The following KDM3B variants were observed in gnomAD, a reference collection of about 807,000 sequenced individuals.
KDM3B encodes the protein lysine-specific demethylase 3B.
A neutral mutation model predicts 170.0 loss-of-function variants in KDM3B; 10 were observed. The ratio of observed to expected loss-of-function variants is 0.06; its 90% CI spans 0.04 to 0.10. KDM3B has a LOEUF of 0.10. Among genes scored for constraint, KDM3B ranks in the 10% least tolerant of loss-of-function variants. KDM3B has a pLI of 1.00. For missense variants in KDM3B, 1,394 were observed against 2,195.2 expected, an observed-to-expected ratio of 0.64 and a Z score of 7.29; for synonymous variants, 831 against 834.8, an observed-to-expected ratio of 1.00 and a Z score of 0.08.
chr5:138,365,322 G>A (rs1284640062), intron 1 of KDM3B, among the ~76,000 whole-genome samples: 1 of 152,040 alleles, frequency 6.6e-6, no homozygotes, highest in East Asian at 1.9e-4. Context: ...GTACGATGGG[G>A]TGATCACTCA....
At chr5:138,381,395 T>G in intron 5 of KDM3B, 121 bp from the exon 6 acceptor site, 1 of 655,766 alleles carries the variant, frequency 1.5e-6, no homozygotes, top group Middle Eastern at 4.1e-4. Flanking sequence ...TCTGCTCTCA[T>G]GGAGCTTTCA....
Position 138,391,042 on chromosome 5 carries a change from T to G in KDM3B, c.1410T>G (p.Ser470=). The G allele has an allele frequency of 1.3e-6, 2 of 1,582,534 alleles. No homozygotes were observed. The highest frequency in any genetic ancestry group is 1.7e-6 in the Non-Finnish European group (2 of 1,164,728). The change falls in exon 8 of 24, where the codon TCT becomes TCG. Residue 470 remains serine, a synonymous_variant. Coordinates refer to ENST00000314358, the MANE Select transcript of KDM3B (RefSeq NM_016604.4). The surrounding 1 kb of genome is among the most constrained non-coding windows in gnomAD (Gnocchi z 5.0). Reference sequence around the variant, plus strand: ...CAAGAAATTCTATTCTGGCCTCTTCTGGATTTGGAGCACCTCTCCCTAGTT... The same window carrying G: ...CAAGAAATTCTATTCTGGCCTCTTCGGGATTTGGAGCACCTCTCCCTAGTT... The part of the protein sequence containing the change: ...ENSRNSILAS[S]GFGAPLPSSS...
At chr5:138,382,263 C>T (rs887473229) in intron 6 of KDM3B, among the ~76,000 whole-genome samples, 7 of 151,764 alleles carry the variant, frequency 4.6e-5, no homozygotes, top group South Asian at 2.1e-4. Context: ...GCCTGACCAA[C>T]GTGGTGAAAC....
chr5:138,377,290 A>C (rs935172162), intron 3 of KDM3B, among the ~76,000 whole-genome samples: 1 of 152,268 alleles, frequency 6.6e-6, no homozygotes, highest in Non-Finnish European at 1.5e-5. Context: ...GGCCTAAATA[A>C]GTTTCTTTCC....
rs757666049 is a variant in KDM3B at position 138,424,242 on chromosome 5, T to G, written c.4140T>G (p.Thr1380=). 1 of 1,614,202 alleles carries G rather than the reference T, an allele frequency of 6.2e-7. No individual in the cohort carries two copies. The highest frequency in any genetic ancestry group is 1.1e-5 in the South Asian group (1 of 91,084). ...VMGLNVLDPH[T]SHSWLCDGRL... is the part of the protein sequence containing the mutation. Reference sequence around the variant, plus strand: ...GGTTAAATGTGCTAGATCCCCATACTTCTCACTCCTGGCTTTGTGATGGGA... The same window carrying G: ...GGTTAAATGTGCTAGATCCCCATACGTCTCACTCCTGGCTTTGTGATGGGA... The change falls in exon 16 of 24, where the codon ACT becomes ACG. Residue 1380 remains threonine (T), a synonymous_variant. Coordinates refer to ENST00000314358, the MANE Select transcript of KDM3B (RefSeq NM_016604.4).
chr5:138,411,487 G>A (rs745521140), intron 11 of KDM3B, among the ~76,000 whole-genome samples: 15 of 151,622 alleles, frequency 9.9e-5, no homozygotes, highest in Non-Finnish European at 1.3e-4. Context: ...CTCTTGCCTC[G>A]GCGCCTGGGT....
rs1365581839 is a variant in KDM3B at position 138,381,542 on chromosome 5, C to G, written c.732C>G (p.Pro244=). The G allele has an allele frequency of 1.0e-5, 16 of 1,604,460 alleles. No individual in the cohort carries two copies. Among genetic ancestry groups the G allele is most frequent in the Admixed American group, 3.3e-5 (2 of 60,020 alleles). ...GTGGTGAGATCAAGTCGGTAGATCC[C>G]AGACTAATCCATGTGATGCTGATGG... The part of the protein sequence containing the change: ...TESGEIKSVD[P]RLIHVMLMDN... Residue 244 remains proline (P), a synonymous_variant, in exon 6 of 24, where the codon CCC becomes CCG. Coordinates refer to ENST00000314358, the MANE Select transcript of KDM3B (RefSeq NM_016604.4).
intron 11 of KDM3B, among the ~76,000 whole-genome samples, chr5:138,400,419 A>C (rs1300234207): frequency 6.6e-6 from 1 of 151,830 alleles, no homozygotes; most frequent in African/African-American, 2.4e-5. Context: ...ATCTTTATTG[A>C]GATGTAATTC....
intron 13 of KDM3B, 175 bp downstream of exon 13, chr5:138,417,785 C>A: frequency 1.7e-6 from 1 of 597,612 alleles, no homozygotes; most frequent in Non-Finnish European, 2.9e-6. Flanking sequence ...TTTAATTACC[C>A]CTGATTGGTA....
At chr5:138,368,360 G>A (rs1761795528) in intron 1 of KDM3B, among the ~76,000 whole-genome samples, 1 of 151,434 alleles carries the variant, frequency 6.6e-6, no homozygotes, top group Non-Finnish European at 1.5e-5. Flanking sequence ...AGCCTACTGA[G>A]TAGTGGGGAC....
At position 138,424,166 on chromosome 5, in the gene KDM3B, G is replaced by A. The variant is rs559269948; in HGVS notation, c.4064G>A (p.Arg1355Gln). 9 of 1,613,944 alleles carry A rather than the reference G, an allele frequency of 5.6e-6. No homozygotes were observed. The highest frequency in any genetic ancestry group is 3.3e-5 in the Admixed American group (2 of 59,982). ...AAGAAAACCTCAGATGCTTCAAAGC[G>A]GGCCTGCAACTTGACTGATACCCAG... ...ENKKTSDASK[R>Q]ACNLTDTQKE... Residue 1355 changes from arginine (R) to glutamine (Q), a missense_variant, in exon 16 of 24, where the codon CGG (arginine) becomes CAG (glutamine). Arg to Gln is a conservative substitution (Grantham distance 43). Coordinates refer to ENST00000314358, the MANE Select transcript of KDM3B (RefSeq NM_016604.4).
intron 1 of KDM3B, among the ~76,000 whole-genome samples, chr5:138,362,576 A>G (rs1761638130): frequency 7.8e-6 from 1 of 127,510 alleles, no homozygotes; most frequent in African/African-American, 2.6e-5. Flanking sequence ...ACACACACAC[A>G]CACACACACA....
intron 19 of KDM3B, 89 bp from the exon 20 acceptor site, chr5:138,427,878 C>A: frequency 8.2e-7 from 1 of 1,224,908 alleles, no homozygotes; most frequent in Non-Finnish European, 1.2e-6. Flanking sequence ...CATTTAACAA[C>A]ACCCTTGAGC....
At chr5:138,427,397 A>G in intron 19 of KDM3B, 78 bp downstream of exon 19, 5 of 1,502,208 alleles carry the variant, frequency 3.3e-6, no homozygotes, top group Non-Finnish European at 3.6e-6. Flanking sequence ...TCTGTGGTCA[A>G]TGTCAGGTAT....
intron 7 of KDM3B, among the ~76,000 whole-genome samples, chr5:138,389,134 C>T (rs1762357324): frequency 6.6e-6 from 1 of 152,218 alleles, no homozygotes; most frequent in Admixed American, 6.5e-5. Context: ...AACAGCAGCA[C>T]CTCAGGGCTG....
chr5:138,360,334 C>T (rs1157799981), intron 1 of KDM3B, among the ~76,000 whole-genome samples: 1 of 152,010 alleles, frequency 6.6e-6, no homozygotes, highest in East Asian at 1.9e-4. Flanking sequence ...GGTTAGAGAA[C>T]TTTAAATAAA....
intron 9 of KDM3B, among the ~76,000 whole-genome samples, chr5:138,396,401 A>G (rs1246453992): frequency 1.3e-5 from 2 of 151,952 alleles, no homozygotes; most frequent in Non-Finnish European, 2.9e-5. Flanking sequence ...GGCCAAGTAT[A>G]GACAACTCTT....
chr5:138,361,585 A>C (rs1490968526), intron 1 of KDM3B, among the ~76,000 whole-genome samples: 1 of 152,218 alleles, frequency 6.6e-6, no homozygotes, highest in Non-Finnish European at 1.5e-5. Flanking sequence ...TGTTGCCAAA[A>C]GGCTGTTTAA....
At chr5:138,377,965 A>C (rs981269486) in intron 4 of KDM3B, 140 bp downstream of exon 4, 15 of 410,692 alleles carry the variant, frequency 3.7e-5, no homozygotes, top group African/African-American at 2.9e-4. Flanking sequence ...CACATGAAAG[A>C]TAATAATTAT....
Sources: gnomAD v4.1 joint callset for allele counts (sites outside exome capture counted in the v4.1 genomes callset) on GRCh38, gnomAD v4.1.1 for gene constraint, Gnocchi (gnomAD v3.1) non-coding constraint, MANE v1.5 for transcripts, NCBI Gene and HGNC (gene_info 2026-07-23, HGNC 2026-07-21) for gene names.